Variants in ZDHHC20 observed in about 807,000 individuals in gnomAD.
ZDHHC20 encodes the protein palmitoyltransferase ZDHHC20.
A neutral mutation model predicts 57.8 loss-of-function variants in ZDHHC20; 43 were observed. That is an observed-to-expected ratio of 0.74 (90% CI 0.58 to 0.96). ZDHHC20 has a LOEUF of 0.96. ZDHHC20 is among the 40% of genes least tolerant of loss of function. The probability of loss-of-function intolerance (pLI) is 0.00; values close to 1 mark genes in which losing one functional copy is unlikely to be tolerated. For missense variants in ZDHHC20, 391 were observed against 441.1 expected (o/e 0.89, Z 1.02); for synonymous variants, 157 against 153.0 (o/e 1.03, Z -0.19).
intron 7 of ZDHHC20, among the ~76,000 whole-genome samples, chr13:21,397,062 A>G (rs1876905858): frequency 6.6e-6 from 1 of 152,102 alleles, no homozygotes. Context: ...CAATTTATTG[A>G]TCTTTTCTTT....
Position 21,374,363 on chromosome 13 carries a change from T to C in ZDHHC20, c.*2333A>G, listed in dbSNP as rs748880972. ...CCTCCACCTCCCGAGTAGTTGGGAC[T>C]ACAGGCGTGTGCCACCATGCCTGGA... On this transcript the variant is annotated 3_prime_UTR_variant, in exon 13 of 13. Coordinates refer to ENST00000400590, the MANE Select transcript of ZDHHC20 (RefSeq NM_001330059.2). 6 of 455,194 alleles carry C rather than the reference T, an allele frequency of 1.3e-5. No individual in the cohort carries two copies. The highest frequency in any genetic ancestry group is 9.3e-5 in the South Asian group (6 of 64,446). 28.2% of individuals were successfully genotyped at this position (455,194 alleles called of 1,614,324 possible).
At chr13:21,390,797 G>A (rs1390904398) in intron 8 of ZDHHC20, among the ~76,000 whole-genome samples, 1 of 151,920 alleles carries the variant, frequency 6.6e-6, no homozygotes, top group African/African-American at 2.4e-5. Context: ...CTACTTGGGA[G>A]GCTGAGGTGG....
Position 21,374,229 on chromosome 13 carries a change from T to C in ZDHHC20, c.*2467A>G, listed in dbSNP as rs1566052450. 1 of 225,860 alleles carries C rather than the reference T, an allele frequency of 4.4e-6. No homozygotes were observed. Among genetic ancestry groups the C allele is most frequent in the East Asian group, 9.2e-5 (1 of 10,866 alleles). The allele number at this position is 225,860 out of a possible 1,614,324, so 14.0% of individuals were successfully genotyped here. A position where few individuals can be genotyped will look rare whatever the true frequency, so the allele number is the denominator to read the frequency against. On this transcript the variant is annotated 3_prime_UTR_variant, in exon 13 of 13. Transcript: ENST00000400590. ...TTATGTTTTTAGTTGGTAATTGATATATATATATATTTTTGAGATGGAGTT... is the reference window on the plus strand; with the variant it reads ...TTATGTTTTTAGTTGGTAATTGATACATATATATATTTTTGAGATGGAGTT...
At chr13:21,422,008 T>G (rs555855428) in intron 2 of ZDHHC20, among the ~76,000 whole-genome samples, 2 of 152,284 alleles carry the variant, frequency 1.3e-5, no homozygotes, top group South Asian at 4.1e-4. Flanking sequence ...CCAAATAATT[T>G]GCTTAGATTT....
At chr13:21,395,656 C>A (rs1475322301) in intron 7 of ZDHHC20, among the ~76,000 whole-genome samples, 4 of 151,690 alleles carry the variant, frequency 2.6e-5, no homozygotes, top group Admixed American at 6.6e-5. Flanking sequence ...TGCGTGCCAC[C>A]ACACCCAGCT....
chr13:21,428,166 TCA>T lies in ZDHHC20; in HGVS notation c.119-2490_119-2489del, dbSNP rs200682809. Among the ~76,000 whole-genome samples, 1,294 of 152,264 alleles carry T rather than the reference TCA, an allele frequency of 8.5e-3. 20 individuals are homozygous for T. The highest frequency in any genetic ancestry group is 0.029 in the African/African-American group (1,189 of 41,564). ...GGAACAGCAATCTGCAGAACCTCTC[TCA>T]GTGAGACGAGGCTATTCCTTTTTAT... is the stretch of plus-strand genomic sequence containing the variant. On this transcript the variant is annotated intron_variant, in intron 1 of 12. Transcript: ENST00000400590.
At chr13:21,397,488 C>A (rs938501576) in intron 7 of ZDHHC20, among the ~76,000 whole-genome samples, 3 of 151,874 alleles carry the variant, frequency 2.0e-5, no homozygotes, top group Non-Finnish European at 2.9e-5. Flanking sequence ...ATGGTGAAAC[C>A]CTGTCTCTAC....
chr13:21,425,612 A>G, intron 2 of ZDHHC20, 40 bp downstream of exon 2: 1 of 1,185,118 alleles, frequency 8.4e-7, no homozygotes, highest in Non-Finnish European at 1.1e-6. Context: ...TTAAAATATC[A>G]TTAAGCATTT....
At chr13:21,447,979 G>A (rs1164168854) in intron 1 of ZDHHC20, among the ~76,000 whole-genome samples, 91 of 101,490 alleles carry the variant, frequency 9.0e-4, no homozygotes, top group South Asian at 2.4e-3. Flanking sequence ...CCGAGACCCC[G>A]TCTGGGAGGT....
At chr13:21,456,329 G>A (rs1884924592) in intron 1 of ZDHHC20, among the ~76,000 whole-genome samples, 1 of 152,168 alleles carries the variant, frequency 6.6e-6, no homozygotes, top group Admixed American at 6.5e-5. Flanking sequence ...AGAGTCACTT[G>A]AACCCAGGAG....
chr13:21,433,706 GC>G (rs1417474585), intron 1 of ZDHHC20, among the ~76,000 whole-genome samples: 1 of 152,170 alleles, frequency 6.6e-6, no homozygotes, highest in Non-Finnish European at 1.5e-5. Context: ...GCTGGCTGAT[GC>G]CTGGATTTTG....
chr13:21,431,242 G>T (rs73441510), intron 1 of ZDHHC20, among the ~76,000 whole-genome samples: 2,277 of 152,240 alleles, frequency 0.015, 48 homozygotes, highest in African/African-American at 0.048. Flanking sequence ...AGGCAAAAAG[G>T]CACTTTTTAC....
At chr13:21,402,959 G>C (rs1258822221) in intron 4 of ZDHHC20, 93 bp from the exon 5 acceptor site, 1 of 911,410 alleles carries the variant, frequency 1.1e-6, no homozygotes, top group East Asian at 2.7e-5. Context: ...AATAACTCTG[G>C]GTAATTGATA....
chr13:21,451,553 T>G (rs1010897987), intron 1 of ZDHHC20, among the ~76,000 whole-genome samples: 1 of 152,186 alleles, frequency 6.6e-6, no homozygotes, highest in Non-Finnish European at 1.5e-5. Flanking sequence ...AGAAATATAT[T>G]CCTAAATAAA....
intron 12 of ZDHHC20, 31 bp downstream of exon 12, chr13:21,378,630 T>A: frequency 1.7e-6 from 2 of 1,196,238 alleles, no homozygotes; most frequent in Non-Finnish European, 2.2e-6. Context: ...TAAGCTGCAT[T>A]TATTCAAGGA....
At chr13:21,430,435 T>C (rs916317180) in intron 1 of ZDHHC20, among the ~76,000 whole-genome samples, 1 of 152,022 alleles carries the variant, frequency 6.6e-6, no homozygotes, top group Non-Finnish European at 1.5e-5. Context: ...CCAGTGGGAA[T>C]GAAAATCTAG....
At chr13:21,429,963 T>C (rs1003295308) in intron 1 of ZDHHC20, among the ~76,000 whole-genome samples, 1 of 152,196 alleles carries the variant, frequency 6.6e-6, no homozygotes, top group African/African-American at 2.4e-5. Context: ...ACATCTTCTA[T>C]TTCTTTGTTG....
At chr13:21,407,439 GTGTC>G (rs1191691784) in intron 4 of ZDHHC20, among the ~76,000 whole-genome samples, 1 of 152,156 alleles carries the variant, frequency 6.6e-6, no homozygotes, top group African/African-American at 2.4e-5. Context: ...CTTTTGAAAA[GTGTC>G]TGTTCATACC....
chr13:21,397,008 CA>C (rs1876896125), intron 7 of ZDHHC20, among the ~76,000 whole-genome samples: 1 of 152,064 alleles, frequency 6.6e-6, no homozygotes, highest in Non-Finnish European at 1.5e-5. Context: ...TTTTTCACTC[CA>C]AAAGTCACCT....
Sources: allele counts gnomAD v4.1 joint callset (sites outside exome capture counted in the v4.1 genomes callset), GRCh38; gene constraint gnomAD v4.1.1; transcripts MANE v1.5; gene names NCBI Gene and HGNC (gene_info 2026-07-23, HGNC 2026-07-21).